Variants in TMEM161A observed in about 807,000 individuals in gnomAD.
TMEM161A encodes the protein adaptive response to oxidative stress protein 29.
Under a neutral mutation model 57.1 loss-of-function variants are expected in TMEM161A, and 46 were observed. That is an observed-to-expected ratio of 0.81 (90% CI 0.64 to 1.03). The LOEUF (loss-of-function observed/expected upper bound fraction) is 1.03, where lower values mean the gene tolerates loss of function less well. TMEM161A is among the 50% of genes least tolerant of loss of function. The probability of loss-of-function intolerance (pLI) is 0.00; values close to 1 mark genes in which losing one functional copy is unlikely to be tolerated. For synonymous variants in TMEM161A, 288 were observed against 279.0 expected (o/e 1.03, Z -0.32); for missense variants, 601 against 621.5 (o/e 0.97, Z 0.35).
Position 19,133,211 on chromosome 19 carries a change from C to CT in TMEM161A, c.108-2dup, listed in dbSNP as rs1160020351. 3 of 1,614,050 alleles carry CT rather than the reference C, an allele frequency of 1.9e-6. No homozygotes were observed. Among genetic ancestry groups the CT allele is most frequent in the East Asian group, 4.5e-5 (2 of 44,870 alleles). Reference sequence around the variant, plus strand: ...AGACGGGTGCTTGTATCGGAACAAACTGAGAGCAAGGACGGGCAGTCAGGG... The same window carrying CT: ...AGACGGGTGCTTGTATCGGAACAAACTTGAGAGCAAGGACGGGCAGTCAGGG... On this transcript the variant is annotated splice_acceptor_variant, in intron 2 of 11. Transcript: ENST00000162044. LOFTEE classifies it high-confidence loss of function.
rs759214004 is a variant in TMEM161A, at chr19:19,132,711, G to A, written c.232C>T (p.Arg78Ter). ...LSEEKPLSVP[R>*]DAPFQLETCP... ...GTCTCCAGCTGGAACGGGGCATCTC[G>A]GGGCACAGACAGTGGCTTCTCCTCA... The change falls in exon 4 of 12, where the codon CGA becomes TGA. Residue 78 changes from arginine (R) to a stop codon, truncating the protein, a stop_gained. Coordinates refer to ENST00000162044, the MANE Select transcript of TMEM161A (RefSeq NM_017814.3). LOFTEE classifies it high-confidence loss of function. The surrounding 1 kb of genome is among the most constrained non-coding windows in gnomAD (Gnocchi z 4.3). 3.2e-5 allele frequency: 50 copies of A among 1,578,994 alleles called. No individual in the cohort carries two copies. Among genetic ancestry groups the A allele is most frequent in the East Asian group, 1.6e-4 (7 of 44,544 alleles).
At position 19,133,198 on chromosome 19, in the gene TMEM161A, G is replaced by T. The variant is rs765684838; in HGVS notation, c.120C>A (p.Tyr40Ter). The T allele has an allele frequency of 2.5e-6, 4 of 1,614,198 alleles. No individual in the cohort carries two copies. Among genetic ancestry groups the T allele is most frequent in the Non-Finnish European group, 3.4e-6 (4 of 1,180,016 alleles). The change falls in exon 3 of 12, where the codon TAC (tyrosine) becomes TAA (stop). Residue 40 changes from tyrosine (Y) to a stop codon, truncating the protein, a stop_gained. Transcript: ENST00000162044. LOFTEE classifies it high-confidence loss of function. ...GAAGCTCCTCCTCAGACGGGTGCTT[G>T]TATCGGAACAAACTGAGAGCAAGGA... ...WLLCNGSLFRYKHPSEEELRA... is the reference protein window; with the variant it reads ...WLLCNGSLFR
intron 1 of TMEM161A, among the ~76,000 whole-genome samples, 187 bp from the exon 2 acceptor site, chr19:19,135,074 C>T (rs999527998): frequency 1.1e-4 from 17 of 151,058 alleles, no homozygotes; most frequent in Non-Finnish European, 2.1e-4. Context: ...GCCCTGCCCT[C>T]CCACGTCAGA....
chr19:19,133,202 C>T lies in TMEM161A; in HGVS notation c.116G>A (p.Arg39Gln), dbSNP rs369943324. 1.1e-4 allele frequency: 184 copies of T among 1,614,066 alleles called. No individual in the cohort carries two copies. Among genetic ancestry groups the T allele is most frequent in the South Asian group, 1.9e-4 (17 of 91,062 alleles). ...CTCCTCCTCAGACGGGTGCTTGTAT[C>T]GGAACAAACTGAGAGCAAGGACGGG... ...RWLLCNGSLF[R>Q]YKHPSEEELR... The change falls in exon 3 of 12, where the codon CGA becomes CAA. Residue 39 changes from arginine to glutamine, a missense_variant. Physicochemically the swap from Arg to Gln is conservative, Grantham distance 43. Coordinates refer to ENST00000162044, the MANE Select transcript of TMEM161A (RefSeq NM_017814.3).
In TMEM161A at chr19:19,121,951, C is replaced by CT; in HGVS notation, c.596-133dup. 1 of 965,092 alleles carries CT rather than the reference C, an allele frequency of 1.0e-6. No individual in the cohort carries two copies. The allele number at this position is 965,092 out of a possible 1,614,324, so 59.8% of individuals were successfully genotyped here. A position where few individuals can be genotyped will look rare whatever the true frequency, so the allele number is the denominator to read the frequency against. The stretch of plus-strand genomic sequence containing the variant: ...GGAATGAACAAGGGTCTGCCAGGCC[C>CT]TGAGCCAGGCACAAGGACAATTTTG... On this transcript the variant is annotated intron_variant, in intron 6 of 11. Coordinates refer to ENST00000162044, the MANE Select transcript of TMEM161A (RefSeq NM_017814.3). This position sits in a 1 kb window ranked among gnomAD's most constrained non-coding sequence, Gnocchi z 5.8.
At chr19:19,136,921 C>A (rs1226656557) in intron 1 of TMEM161A, among the ~76,000 whole-genome samples, 1 of 151,904 alleles carries the variant, frequency 6.6e-6, no homozygotes, top group African/African-American at 2.4e-5. Flanking sequence ...GAAGCCCCAC[C>A]CTTCCCCTAG....
At chr19:19,135,052 T>TC in intron 1 of TMEM161A, 165 bp from the exon 2 acceptor site, 1 of 578,472 alleles carries the variant, frequency 1.7e-6, no homozygotes, top group Non-Finnish European at 3.1e-6. Flanking sequence ...GAGTCTGGAC[T>TC]CACCTAGCAT....
chr19:19,138,446 G>T lies in TMEM161A; in HGVS notation c.-18C>A, dbSNP rs750083000. 4 of 1,600,320 alleles carry T rather than the reference G, an allele frequency of 2.5e-6. No homozygotes were observed. Among genetic ancestry groups the T allele is most frequent in the Non-Finnish European group, 2.6e-6 (3 of 1,173,802 alleles). On this transcript the variant is annotated 5_prime_UTR_variant, in exon 1 of 12. Coordinates refer to ENST00000162044, the MANE Select transcript of TMEM161A (RefSeq NM_017814.3). Reference sequence around the variant, plus strand: ...CTCACCATGACGCGTGCGAGAACGCGGTGCACTCACCCACCGGCCTAGGGC... The same window carrying T: ...CTCACCATGACGCGTGCGAGAACGCTGTGCACTCACCCACCGGCCTAGGGC...
intron 5 of TMEM161A, chr19:19,130,532 T>C: frequency 1.8e-6 from 1 of 571,230 alleles, no homozygotes; most frequent in Non-Finnish European, 3.1e-6. Flanking sequence ...ACCGTGTCTG[T>C]ACAGCCTCCC....
chr19:19,123,122 A>C (rs1375772141), intron 6 of TMEM161A, among the ~76,000 whole-genome samples: 1 of 152,252 alleles, frequency 6.6e-6, no homozygotes, highest in Non-Finnish European at 1.5e-5. Flanking sequence ...ATCTGAAGAA[A>C]TCACTCAGAT....
At chr19:19,130,425 G>A in intron 5 of TMEM161A, 118 bp from the exon 6 acceptor site, 1 of 1,333,604 alleles carries the variant, frequency 7.5e-7, no homozygotes, top group Non-Finnish European at 1.0e-6. Flanking sequence ...AATAGGCCTT[G>A]GGGATGACCT....
rs769273573 is a variant in TMEM161A, at chr19:19,120,808, C to T, written c.1143G>A (p.Pro381=). 6 of 1,613,294 alleles carry T rather than the reference C, an allele frequency of 3.7e-6. No homozygotes were observed. The highest frequency in any genetic ancestry group is 3.3e-5 in the Admixed American group (2 of 59,990). ...GTGTGCAGTTGAGGGTGAGGATGAG[C>T]GGCGTCAGGTACTGCAAGCTCACCA... ...VTVVSLQYLT[P]LILTLNCTLL... Residue 381 remains proline (P), a synonymous_variant, in exon 11 of 12, where the codon CCG becomes CCA. Coordinates refer to ENST00000162044, the MANE Select transcript of TMEM161A (RefSeq NM_017814.3).
chr19:19,121,742 C>G lies in TMEM161A; in HGVS notation c.656+17G>C. The G allele has an allele frequency of 6.2e-7, 1 of 1,613,922 alleles. No individual in the cohort carries two copies. Among genetic ancestry groups the G allele is most frequent in the South Asian group, 1.1e-5 (1 of 91,076 alleles). On this transcript the variant is annotated intron_variant, in intron 7 of 11. Coordinates refer to ENST00000162044, the MANE Select transcript of TMEM161A (RefSeq NM_017814.3). The surrounding 1 kb of genome is among the most constrained non-coding windows in gnomAD (Gnocchi z 5.8). The stretch of plus-strand genomic sequence containing the variant: ...CCCAGCCTGCCCTTGCCTCCCTCCC[C>G]CATTCCCAGGACTCACGCCCAGTCC...
In TMEM161A at chr19:19,121,843, G is replaced by A. The variant is rs370513024; in HGVS notation, c.596-24C>T. 1.4e-5 allele frequency: 23 copies of A among 1,612,746 alleles called. No individual in the cohort carries two copies. Among genetic ancestry groups the A allele is most frequent in the Admixed American group, 6.7e-5 (4 of 59,954 alleles). ...ACCTGGGGACGATAAGAAGAGGACC[G>A]AGTAGAGTGAATTCCTAGGGTCTCT... On this transcript the variant is annotated intron_variant, in intron 6 of 11. Coordinates refer to ENST00000162044, the MANE Select transcript of TMEM161A (RefSeq NM_017814.3). This position sits in a 1 kb window ranked among gnomAD's most constrained non-coding sequence, Gnocchi z 5.8.
Position 19,130,261 on chromosome 19 carries a change from C to T in TMEM161A, c.490G>A (p.Gly164Arg), listed in dbSNP as rs148769194. Reference protein sequence around the residue: ...VTRLYFSAEEGGERSVCLTFA... With the variant: ...VTRLYFSAEERGERSVCLTFA... ...GTGAGGCAGACAGAGCGCTCACCCC[C>T]CTCCTCGGCGCTGAAGTACAGCCGT... is the stretch of plus-strand genomic sequence containing the variant. The change falls in exon 6 of 12, where the codon GGG (glycine) becomes AGG (arginine). Residue 164 changes from glycine (G) to arginine (R), a missense_variant. Gly to Arg is a moderately radical substitution (Grantham distance 125). Transcript: ENST00000162044. 660 of 1,613,888 alleles carry T rather than the reference C, an allele frequency of 4.1e-4. No homozygotes were observed. Among genetic ancestry groups the T allele is most frequent in the Non-Finnish European group, 5.2e-4 (611 of 1,180,020 alleles).
chr19:19,138,092 AG>A (rs1339229491), intron 1 of TMEM161A, among the ~76,000 whole-genome samples: 1 of 152,072 alleles, frequency 6.6e-6, no homozygotes, highest in Non-Finnish European at 1.5e-5. Context: ...CGCCTTAACC[AG>A]GTTCCAAATG....
At chr19:19,123,363 A>C (rs968641201) in intron 6 of TMEM161A, among the ~76,000 whole-genome samples, 1 of 152,240 alleles carries the variant, frequency 6.6e-6, no homozygotes, top group Admixed American at 6.5e-5. Context: ...CCTAGACATA[A>C]TGGAGTGAAA....
intron 6 of TMEM161A, among the ~76,000 whole-genome samples, chr19:19,127,238 G>C (rs2059934786): frequency 2.0e-5 from 3 of 151,212 alleles, no homozygotes; most frequent in Middle Eastern, 3.5e-3. Flanking sequence ...AAAGCCAAAA[G>C]TTGGGAACAA....
rs747545931 is a variant in TMEM161A at position 19,121,199 on chromosome 19, G to C, written c.915-33C>G. ...GAGAGGGCCGGGGGCAAGGGACTAA[G>C]AAGGTCGCCCCCGACCCCCCAGGAT... On this transcript the variant is annotated intron_variant, in intron 9 of 11. Transcript: ENST00000162044. The surrounding 1 kb of genome is among the most constrained non-coding windows in gnomAD (Gnocchi z 5.8). 2 of 1,572,062 alleles carry C rather than the reference G, an allele frequency of 1.3e-6. No homozygotes were observed. The highest frequency in any genetic ancestry group is 1.9e-5 in the Admixed American group (1 of 53,110).
Sources: allele counts gnomAD v4.1 joint callset (sites outside exome capture counted in the v4.1 genomes callset), GRCh38; gene constraint gnomAD v4.1.1; non-coding constraint Gnocchi (gnomAD v3.1); transcripts MANE v1.5; gene names NCBI Gene and HGNC (gene_info 2026-07-23, HGNC 2026-07-21).